NRXN3: variants seen among roughly 807,000 people sequenced by gnomAD.
NRXN3 encodes neurexin 3.
In NRXN3, 32 loss-of-function variants were observed where a neutral mutation model predicts 137.6. The observed-to-expected ratio is 0.23, with a 90% CI of 0.18 to 0.31. NRXN3 has a LOEUF of 0.31. Among genes scored for constraint, NRXN3 ranks in the 10% least tolerant of loss-of-function variants. The pLI, the probability that NRXN3 is intolerant of heterozygous loss-of-function variation, is 1.00. For synonymous variants in NRXN3, 798 were observed against 784.5 expected, an observed-to-expected ratio of 1.02 and a Z score of -0.29; for missense variants, 1,574 against 2,062.5, an observed-to-expected ratio of 0.76 and a Z score of 4.59.
chr14:78,270,116 ATGTGTGCAAGAGCCAGGAT>A (rs1453864492), intron 2 of NRXN3, among the ~76,000 whole-genome samples: 2 of 152,152 alleles, frequency 1.3e-5, no homozygotes, highest in Admixed American at 6.5e-5. Context: ...GCCTGAGCTC[ATGTGTGCAAGAGCCAGGAT>A]TGTCATCCAA....
chr14:79,727,639 C>A (rs543594656), intron 19 of NRXN3, among the ~76,000 whole-genome samples: 119 of 152,166 alleles, frequency 7.8e-4, no homozygotes, highest in African/African-American at 2.8e-3. Flanking sequence ...AACTTTGAGG[C>A]AAAGAAATTG....
chr14:78,393,792 C>A (rs185375514), intron 4 of NRXN3, among the ~76,000 whole-genome samples: 1 of 152,028 alleles, frequency 6.6e-6, no homozygotes, highest in Admixed American at 6.6e-5. Context: ...TTTTAATAAA[C>A]ATTCCATAGT....
chr14:78,799,637 T>C (rs1438565042), intron 8 of NRXN3, among the ~76,000 whole-genome samples: 1 of 152,194 alleles, frequency 6.6e-6, no homozygotes, highest in African/African-American at 2.4e-5. Flanking sequence ...TTCATGCTGC[T>C]GATAAAGATG....
chr14:78,732,603 C>T (rs1378441294), intron 8 of NRXN3, among the ~76,000 whole-genome samples: 2 of 152,162 alleles, frequency 1.3e-5, no homozygotes, highest in Admixed American at 1.3e-4. Flanking sequence ...TTCAACTCAT[C>T]ATATCTCTAG....
chr14:79,152,864 C>G (rs76631421), intron 15 of NRXN3, among the ~76,000 whole-genome samples: 2,681 of 152,078 alleles, frequency 0.018, 35 homozygotes, highest in Middle Eastern at 0.041. Context: ...ATTGTGGAAA[C>G]TTTACTTAAA....
intron 4 of NRXN3, among the ~76,000 whole-genome samples, chr14:78,401,673 G>A (rs1018926183): frequency 6.6e-6 from 1 of 152,154 alleles, no homozygotes; most frequent in Non-Finnish European, 1.5e-5. Flanking sequence ...ATAAATCAAA[G>A]GCAGATATTA....
At chr14:79,746,474 C>T (rs1470740827) in intron 19 of NRXN3, among the ~76,000 whole-genome samples, 1 of 152,108 alleles carries the variant, frequency 6.6e-6, no homozygotes, top group East Asian at 1.9e-4. Flanking sequence ...TCTTGTCATC[C>T]TCATCACAGA....
At chr14:78,483,027 G>T (rs2095499580) in intron 4 of NRXN3, among the ~76,000 whole-genome samples, 1 of 152,068 alleles carries the variant, frequency 6.6e-6, no homozygotes, top group Non-Finnish European at 1.5e-5. Context: ...TTCCCCACTA[G>T]ATTGTTTTTT....
intron 15 of NRXN3, among the ~76,000 whole-genome samples, chr14:79,371,595 C>T (rs1382037332): frequency 1.3e-5 from 2 of 152,076 alleles, no homozygotes; most frequent in African/African-American, 4.8e-5. Flanking sequence ...GAAACCCATT[C>T]ACATGGTTTT....
chr14:79,674,519 G>A (rs937777469), intron 17 of NRXN3, among the ~76,000 whole-genome samples: 7 of 151,930 alleles, frequency 4.6e-5, no homozygotes, highest in East Asian at 1.9e-4. Context: ...TCCACCAAGG[G>A]TCAACTCTGA....
chr14:78,929,557 A>G, intron 10 of NRXN3, among the ~76,000 whole-genome samples: 1 of 152,182 alleles, frequency 6.6e-6, no homozygotes, highest in East Asian at 1.9e-4. Context: ...TTATGGCTGC[A>G]TAGTATTCCA....
chr14:78,751,360 T>G (rs1025383982), intron 8 of NRXN3, among the ~76,000 whole-genome samples: 2 of 152,136 alleles, frequency 1.3e-5, no homozygotes, highest in African/African-American at 4.8e-5. Context: ...TAATTACAAA[T>G]TGCCCCCCAG....
At position 79,762,156 on chromosome 14, in the gene NRXN3, C is replaced by T. The variant is rs112163137; in HGVS notation, c.4015-42956C>T. Among the ~76,000 whole-genome samples the T allele has an allele frequency of 9.9e-4, 150 of 151,720 alleles. 6 individuals are homozygous for T. The highest frequency in any genetic ancestry group is 3.2e-3 in the African/African-American group (133 of 41,042). ...TATTATAATTCTTACTTCTACCATA[C>T]TCCAGAGGAATCAGTCTGGGTGACT... On this transcript the variant is annotated intron_variant, in intron 19 of 20. Transcript: ENST00000335750.
intron 4 of NRXN3, among the ~76,000 whole-genome samples, chr14:78,409,617 GA>G (rs1390510150): frequency 6.6e-6 from 1 of 152,228 alleles, no homozygotes; most frequent in Non-Finnish European, 1.5e-5. Context: ...GAGGAAGGCA[GA>G]AAGTGTTCAG....
chr14:78,777,126 T>C (rs2098747190), intron 8 of NRXN3, among the ~76,000 whole-genome samples: 1 of 152,186 alleles, frequency 6.6e-6, no homozygotes, highest in Non-Finnish European at 1.5e-5. Flanking sequence ...GAAGTTTGAA[T>C]AAAATCCCAA....
chr14:79,291,721 T>TGAAAACAGTAC (rs1353771270), intron 15 of NRXN3, among the ~76,000 whole-genome samples: 135 of 150,988 alleles, frequency 8.9e-4, no homozygotes, highest in Middle Eastern at 3.5e-3. Flanking sequence ...GAAAACAGTA[T>TGAAAACAGTAC]ACTGAAAACA....
intron 4 of NRXN3, among the ~76,000 whole-genome samples, chr14:78,601,609 C>T (rs1008794527): frequency 9.9e-5 from 15 of 152,102 alleles, no homozygotes; most frequent in East Asian, 3.9e-4. Flanking sequence ...CCCGCCACCA[C>T]GCCCGGCTAA....
intron 19 of NRXN3, among the ~76,000 whole-genome samples, chr14:79,753,300 G>A (rs539832580): frequency 7.9e-5 from 12 of 152,010 alleles, no homozygotes; most frequent in South Asian, 4.2e-4. Context: ...ATTCACAATA[G>A]CAAAGACTTG....
intron 6 of NRXN3, among the ~76,000 whole-genome samples, chr14:78,665,623 T>A (rs570030909): frequency 6.6e-6 from 1 of 152,166 alleles, no homozygotes; most frequent in Non-Finnish European, 1.5e-5. Flanking sequence ...GCAGGACTCT[T>A]TGAGGATGCA....
Sources: allele counts gnomAD v4.1 joint callset (sites outside exome capture counted in the v4.1 genomes callset), GRCh38; gene constraint gnomAD v4.1.1; transcripts MANE v1.5; gene names NCBI Gene and HGNC (gene_info 2026-07-23, HGNC 2026-07-21).